NTM: variants seen among roughly 807,000 people sequenced by gnomAD.
NTM encodes the protein neurotrimin.
NTM carries 13 observed loss-of-function variants against 42.1 expected under a neutral mutation model. The observed-to-expected ratio is 0.31, with a 90% CI of 0.20 to 0.49. NTM has a LOEUF of 0.49. Among genes scored for constraint, NTM ranks in the 20% least tolerant of loss-of-function variants. The pLI, the probability that NTM is intolerant of heterozygous loss-of-function variation, is 0.99. For missense variants in NTM, 373 were observed against 452.8 expected (o/e 0.82, Z 1.60); for synonymous variants, 187 against 179.2 (o/e 1.04, Z -0.35).
intron 1 of NTM, among the ~76,000 whole-genome samples, chr11:131,828,512 A>G (rs2042412561): frequency 6.6e-6 from 1 of 151,966 alleles, no homozygotes; most frequent in African/African-American, 2.4e-5. Flanking sequence ...CACCACCATC[A>G]TCATCACTAC....
intron 2 of NTM, among the ~76,000 whole-genome samples, chr11:132,075,375 A>G (rs1028422075): frequency 1.2e-4 from 18 of 152,356 alleles, no homozygotes; most frequent in African/African-American, 4.1e-4. Context: ...GTGAAAACAT[A>G]TTTTGTAAAA....
intron 2 of NTM, among the ~76,000 whole-genome samples, chr11:132,117,560 A>T (rs1009183568): frequency 6.6e-6 from 1 of 152,256 alleles, no homozygotes; most frequent in Non-Finnish European, 1.5e-5. Context: ...CTAAAGAAGC[A>T]GACCAACCGG....
intron 1 of NTM, among the ~76,000 whole-genome samples, chr11:131,626,869 C>T (rs1168124199): frequency 3.9e-5 from 6 of 152,172 alleles, no homozygotes; most frequent in African/African-American, 1.4e-4. Context: ...GAGCCCAGCC[C>T]TTGTTCCCCG....
intron 3 of NTM, among the ~76,000 whole-genome samples, chr11:132,155,097 T>C (rs1224513573): frequency 2.6e-5 from 4 of 152,228 alleles, no homozygotes; most frequent in African/African-American, 9.6e-5. Flanking sequence ...ATTGGGAGTC[T>C]GCACAATGAA....
intron 1 of NTM, among the ~76,000 whole-genome samples, chr11:131,471,019 T>G (rs980549352): frequency 6.6e-6 from 1 of 152,162 alleles, no homozygotes; most frequent in Admixed American, 6.5e-5. Flanking sequence ...TGCCATACAT[T>G]TTTACAGCCT....
At chr11:131,717,112 A>G (rs1420710377) in intron 1 of NTM, among the ~76,000 whole-genome samples, 1 of 152,214 alleles carries the variant, frequency 6.6e-6, no homozygotes, top group African/African-American at 2.4e-5. Flanking sequence ...AAGTGCTGGG[A>G]CTACAAGCGT....
At chr11:131,647,362 C>A (rs1287709429) in intron 1 of NTM, among the ~76,000 whole-genome samples, 3 of 152,222 alleles carry the variant, frequency 2.0e-5, no homozygotes, top group South Asian at 4.1e-4. Context: ...AGGCATGGAA[C>A]AGTGCATCTC....
chr11:131,571,937 C>G (rs1230981259), intron 1 of NTM, among the ~76,000 whole-genome samples: 1 of 152,182 alleles, frequency 6.6e-6, no homozygotes, highest in Non-Finnish European at 1.5e-5. Context: ...AGCTTTCTGT[C>G]TTGGGCAGGG....
intron 2 of NTM, among the ~76,000 whole-genome samples, chr11:132,092,663 C>T (rs1053569289): frequency 6.6e-6 from 1 of 152,184 alleles, no homozygotes; most frequent in African/African-American, 2.4e-5. Flanking sequence ...CCAGCTTAGT[C>T]TCTCCCAACC....
intron 1 of NTM, among the ~76,000 whole-genome samples, chr11:131,791,030 T>C (rs1487345094): frequency 6.6e-6 from 1 of 152,236 alleles, no homozygotes; most frequent in Non-Finnish European, 1.5e-5. Context: ...CCCTGTGTTA[T>C]GGGTGTTATT....
At chr11:131,999,556 G>T (rs1344412637) in intron 2 of NTM, among the ~76,000 whole-genome samples, 1 of 152,232 alleles carries the variant, frequency 6.6e-6, no homozygotes, top group Non-Finnish European at 1.5e-5. Flanking sequence ...TCAGAGTCAT[G>T]GCTGGTAGAT....
chr11:131,385,061 A>C (rs1943147903), intron 1 of NTM, among the ~76,000 whole-genome samples: 1 of 152,194 alleles, frequency 6.6e-6, no homozygotes, highest in South Asian at 2.1e-4. Context: ...TGCCCCCTGC[A>C]GATGCTCCTG....
At chr11:131,682,364 AG>A (rs2073100213) in intron 1 of NTM, among the ~76,000 whole-genome samples, 2 of 152,188 alleles carry the variant, frequency 1.3e-5, no homozygotes, top group Admixed American at 1.3e-4. Context: ...TGCAGGCCAC[AG>A]GGGGTGTTCT....
At chr11:132,039,734 G>A (rs58573210) in intron 2 of NTM, among the ~76,000 whole-genome samples, 5,649 of 152,174 alleles carry the variant, frequency 0.037, 355 homozygotes, top group African/African-American at 0.13. Flanking sequence ...AGGTGTGTGG[G>A]AATAAGACAG....
intron 4 of NTM, among the ~76,000 whole-genome samples, chr11:132,259,975 C>T (rs2092746517): frequency 6.6e-6 from 1 of 152,072 alleles, no homozygotes; most frequent in Non-Finnish European, 1.5e-5. Context: ...TCTCGAACAC[C>T]TGCAACTAGG....
intron 2 of NTM, among the ~76,000 whole-genome samples, chr11:132,053,793 G>T (rs533488756): frequency 6.6e-6 from 1 of 152,174 alleles, no homozygotes; most frequent in South Asian, 2.1e-4. Context: ...ACTTAATGTA[G>T]GTTCTTTATT....
chr11:132,268,526 A>G (rs2093321338), intron 4 of NTM, among the ~76,000 whole-genome samples: 1 of 151,970 alleles, frequency 6.6e-6, no homozygotes. Flanking sequence ...GAAGCTGCCC[A>G]TATGTTTAGG....
At position 131,986,473 on chromosome 11, in the gene NTM, C is replaced by T. The variant is rs7126439; in HGVS notation, c.167+74825C>T. ...TACTTGACTATCACGTTTGCTTCTT[C>T]TACCTGACATTCATTTTATTGTTTC... On this transcript the variant is annotated intron_variant, in intron 2 of 8. Transcript: ENST00000683400. 4.5e-3 allele frequency among the ~76,000 whole-genome samples: 685 copies of T among 152,308 alleles called. 9 individuals are homozygous for T. Among genetic ancestry groups the T allele is most frequent in the African/African-American group, 0.015 (643 of 41,560 alleles).
intron 2 of NTM, among the ~76,000 whole-genome samples, chr11:131,943,617 ACT>A (rs2060039741): frequency 1.3e-5 from 2 of 150,796 alleles, no homozygotes; most frequent in South Asian, 4.2e-4. Flanking sequence ...TTTTCCCTTC[ACT>A]CTCTGAGCAC....
Sources: allele counts gnomAD v4.1 joint callset (sites outside exome capture counted in the v4.1 genomes callset), GRCh38; gene constraint gnomAD v4.1.1; transcripts MANE v1.5; gene names NCBI Gene and HGNC (gene_info 2026-07-23, HGNC 2026-07-21).